ZCCHC7: variants seen among roughly 807,000 people sequenced by gnomAD.
The protein encoded by ZCCHC7 is zinc finger CCHC domain-containing protein 7.
In ZCCHC7, 35 loss-of-function variants were observed where a neutral mutation model predicts 52.0. The observed-to-expected ratio is 0.67, with a 90% CI of 0.51 to 0.89. The LOEUF (loss-of-function observed/expected upper bound fraction) is 0.89, where lower values mean the gene tolerates loss of function less well. Among genes scored for constraint, ZCCHC7 ranks in the 40% least tolerant of loss-of-function variants. The pLI is 0.00. For missense variants in ZCCHC7, 574 were observed against 649.1 expected (o/e 0.88, Z 1.26); for synonymous variants, 217 against 221.5 (o/e 0.98, Z 0.18).
At chr9:37,296,881 T>TGTGTGTGTGTGTG (rs1828806798) in intron 2 of ZCCHC7, among the ~76,000 whole-genome samples, 1 of 124,136 alleles carries the variant, frequency 8.1e-6, no homozygotes, top group Non-Finnish European at 1.7e-5. Flanking sequence ...CCTGGCTAGT[T>TGTGTGTGTGTGTG]TGTGTGTGTG....
chr9:37,322,187 T>G (rs1830080857), intron 5 of ZCCHC7: 1 of 152,174 alleles, frequency 6.6e-6, no homozygotes, highest in Non-Finnish European at 1.5e-5. Flanking sequence ...ACCAAACCAG[T>G]TAGATGGTTC....
chr9:37,265,627 A>G (rs1017407938), intron 2 of ZCCHC7, among the ~76,000 whole-genome samples: 2 of 152,186 alleles, frequency 1.3e-5, no homozygotes, highest in Non-Finnish European at 1.5e-5. Flanking sequence ...TGAAACCCTT[A>G]TCTCTTACCA....
intron 2 of ZCCHC7, among the ~76,000 whole-genome samples, chr9:37,250,321 G>A (rs1169359392): frequency 2.3e-5 from 3 of 128,420 alleles, no homozygotes; most frequent in Non-Finnish European, 4.9e-5. Flanking sequence ...TTTTTTTTGA[G>A]ATGGAGTTTT....
At chr9:37,193,956 C>T (rs1823151334) in intron 2 of ZCCHC7, among the ~76,000 whole-genome samples, 1 of 152,188 alleles carries the variant, frequency 6.6e-6, no homozygotes, top group South Asian at 2.1e-4. Flanking sequence ...TTGAATGCCT[C>T]ATCCCTTTCC....
chr9:37,341,449 G>T (rs1820633530), intron 6 of ZCCHC7, among the ~76,000 whole-genome samples: 1 of 152,016 alleles, frequency 6.6e-6, no homozygotes, highest in Non-Finnish European at 1.5e-5. Flanking sequence ...TATATGCCTG[G>T]CCCTATTCCA....
chr9:37,140,138 C>T (rs919375848), intron 2 of ZCCHC7, among the ~76,000 whole-genome samples: 3 of 151,890 alleles, frequency 2.0e-5, no homozygotes, highest in Admixed American at 2.0e-4. Flanking sequence ...TAAGTTAGTC[C>T]TTAATCCTGT....
intron 2 of ZCCHC7, among the ~76,000 whole-genome samples, chr9:37,180,298 T>G (rs1319957477): frequency 2.6e-5 from 4 of 152,130 alleles, no homozygotes; most frequent in Non-Finnish European, 5.9e-5. Flanking sequence ...AGTAGATTTT[T>G]AAACACAGAA....
chr9:37,241,066 A>C (rs957945670), intron 2 of ZCCHC7, among the ~76,000 whole-genome samples: 1 of 151,860 alleles, frequency 6.6e-6, no homozygotes, highest in Non-Finnish European at 1.5e-5. Context: ...CTCTCATTTA[A>C]TCAAAGGATT....
intron 2 of ZCCHC7, among the ~76,000 whole-genome samples, chr9:37,127,156 C>T (rs1406317346): frequency 6.6e-6 from 1 of 152,206 alleles, no homozygotes; most frequent in Non-Finnish European, 1.5e-5. Context: ...ACCAAAGACA[C>T]TCTGCTTCTG....
intron 2 of ZCCHC7, among the ~76,000 whole-genome samples, chr9:37,159,638 C>T (rs1047769120): frequency 3.9e-5 from 6 of 152,070 alleles, no homozygotes; most frequent in African/African-American, 1.4e-4. Flanking sequence ...CACTCCCAAG[C>T]GCTGAAGATA....
At chr9:37,227,630 A>G (rs1366190193) in intron 2 of ZCCHC7, among the ~76,000 whole-genome samples, 1 of 152,200 alleles carries the variant, frequency 6.6e-6, no homozygotes, top group African/African-American at 2.4e-5. Context: ...AAGTGACTTG[A>G]ACCTGTATAT....
intron 2 of ZCCHC7, among the ~76,000 whole-genome samples, chr9:37,256,193 T>C (rs1479867775): frequency 6.6e-6 from 1 of 152,176 alleles, no homozygotes; most frequent in African/African-American, 2.4e-5. Flanking sequence ...GTCATGGATC[T>C]TTGTTTTTTT....
chr9:37,234,983 G>T (rs1190580625), intron 2 of ZCCHC7, among the ~76,000 whole-genome samples: 1 of 151,974 alleles, frequency 6.6e-6, no homozygotes, highest in Non-Finnish European at 1.5e-5. Flanking sequence ...ATTCATATTT[G>T]TGGGGTACAG....
chr9:37,143,647 A>G (rs1462467233), intron 2 of ZCCHC7, among the ~76,000 whole-genome samples: 1 of 151,748 alleles, frequency 6.6e-6, no homozygotes, highest in Non-Finnish European at 1.5e-5. Flanking sequence ...TTCAAAACGT[A>G]GAGTGCTTGA....
intron 2 of ZCCHC7, among the ~76,000 whole-genome samples, chr9:37,251,130 A>G (rs1231697254): frequency 6.6e-6 from 1 of 152,232 alleles, no homozygotes; most frequent in Non-Finnish European, 1.5e-5. Context: ...TGTCAATTTA[A>G]TGTGTTCAGT....
At chr9:37,283,369 ATACCCCAAGATTT>A (rs1828062261) in intron 2 of ZCCHC7, among the ~76,000 whole-genome samples, 1 of 152,200 alleles carries the variant, frequency 6.6e-6, no homozygotes, top group Admixed American at 6.5e-5. Flanking sequence ...TTTTTGCTCC[ATACCCCAAGATTT>A]TACATATCTA....
chr9:37,291,847 C>T (rs1353424917), intron 2 of ZCCHC7, among the ~76,000 whole-genome samples: 2 of 152,070 alleles, frequency 1.3e-5, no homozygotes, highest in Non-Finnish European at 2.9e-5. Context: ...GCATGTGCCA[C>T]CATACCCGGC....
At chr9:37,152,945 G>C (rs993230894) in intron 2 of ZCCHC7, among the ~76,000 whole-genome samples, 5 of 152,084 alleles carry the variant, frequency 3.3e-5, no homozygotes, top group African/African-American at 1.2e-4. Context: ...TGATTTGTCT[G>C]TTCTTGCCCA....
chr9:37,257,522 C>G (rs1267769115), intron 2 of ZCCHC7, among the ~76,000 whole-genome samples: 7 of 152,034 alleles, frequency 4.6e-5, no homozygotes, highest in Admixed American at 6.5e-5. Flanking sequence ...TTTGAAAATA[C>G]AAAACAATGC....
Sources: allele counts gnomAD v4.1 joint callset (sites outside exome capture counted in the v4.1 genomes callset), GRCh38; gene constraint gnomAD v4.1.1; transcripts MANE v1.5; gene names NCBI Gene and HGNC (gene_info 2026-07-23, HGNC 2026-07-21).